BMP6: variants seen among roughly 807,000 people sequenced by gnomAD.
BMP6 encodes VG-1-R.
A neutral mutation model predicts 54.1 loss-of-function variants in BMP6; 17 were observed. That is an observed-to-expected ratio of 0.31 (90% confidence interval 0.22 to 0.47). BMP6 has a LOEUF of 0.47. BMP6 is among the 20% of genes least tolerant of loss of function. The pLI, the probability that BMP6 is intolerant of heterozygous loss-of-function variation, is 1.00. For missense variants in BMP6, 720 were observed against 690.4 expected, an observed-to-expected ratio of 1.04 and a Z score of -0.48; for synonymous variants, 328 against 291.2, an observed-to-expected ratio of 1.13 and a Z score of -1.28.
intron 1 of BMP6, among the ~76,000 whole-genome samples, chr6:7,766,824 G>A (rs1757698535): frequency 6.6e-6 from 1 of 152,074 alleles, no homozygotes; most frequent in Admixed American, 6.5e-5. Context: ...TCCTATTGGT[G>A]AATTTATTGC....
intron 1 of BMP6, among the ~76,000 whole-genome samples, chr6:7,812,727 C>T (rs919529411): frequency 6.6e-6 from 1 of 151,856 alleles, no homozygotes; most frequent in African/African-American, 2.4e-5. Flanking sequence ...ATATGTAGAA[C>T]ACATGAAAAA....
chr6:7,854,418 C>A (rs1030995671), intron 2 of BMP6, among the ~76,000 whole-genome samples: 1 of 152,086 alleles, frequency 6.6e-6, no homozygotes, highest in Non-Finnish European at 1.5e-5. Context: ...TTTACTGTTT[C>A]ATTTCCCCAC....
Position 7,727,310 on chromosome 6 carries a change from C to T in BMP6, c.355C>T (p.Leu119=), listed in dbSNP as rs1459000197. 1.9e-6 allele frequency: 3 copies of T among 1,608,496 alleles called. No homozygotes were observed. Among genetic ancestry groups the T allele is most frequent in the Non-Finnish European group, 2.5e-6 (3 of 1,178,198 alleles). ...GGAGGAGCAGCAGCAGCAGCAGCAG[C>T]TGCCTCGCGGAGAGCCCCCTCCCGG... ...QQEEQQQQQQ[L]PRGEPPPGRL... The change falls in exon 1 of 7, where the codon CTG becomes TTG. Residue 119 remains leucine, a synonymous_variant. Coordinates refer to ENST00000283147, the MANE Select transcript of BMP6 (RefSeq NM_001718.6).
chr6:7,876,809 GT>G (rs996016062), intron 4 of BMP6, among the ~76,000 whole-genome samples: 9 of 151,698 alleles, frequency 5.9e-5, no homozygotes, highest in Non-Finnish European at 1.5e-5. Context: ...CTTTTTTCAT[GT>G]TTTTTCCCCA....
chr6:7,862,644 A>G, intron 4 of BMP6, 146 bp downstream of exon 4: 1 of 1,090,816 alleles, frequency 9.2e-7, no homozygotes, highest in Non-Finnish European at 1.3e-6. Flanking sequence ...GGTACCTTGT[A>G]CAGTCGCAGA....
intron 2 of BMP6, among the ~76,000 whole-genome samples, chr6:7,858,076 C>G (rs186468284): frequency 6.6e-6 from 1 of 152,070 alleles, no homozygotes; most frequent in Non-Finnish European, 1.5e-5. Flanking sequence ...GGGAGGCCCA[C>G]TGGTGATCGA....
intron 1 of BMP6, among the ~76,000 whole-genome samples, chr6:7,739,333 A>G (rs1211818673): frequency 2.0e-5 from 3 of 152,062 alleles, no homozygotes; most frequent in African/African-American, 4.8e-5. Context: ...ACTCCAATTT[A>G]CCCCTGACAT....
intron 1 of BMP6, among the ~76,000 whole-genome samples, chr6:7,795,913 T>A (rs1417171732): frequency 1.3e-5 from 2 of 152,042 alleles, no homozygotes; most frequent in Non-Finnish European, 2.9e-5. Context: ...AAAGTAGATT[T>A]GGGGGAAAAC....
intron 1 of BMP6, among the ~76,000 whole-genome samples, chr6:7,773,613 A>T (rs561709275): frequency 2.0e-5 from 3 of 152,256 alleles, no homozygotes; most frequent in Non-Finnish European, 4.4e-5. Flanking sequence ...ATTTTCTTTC[A>T]GAAAAAGCAT....
intron 1 of BMP6, among the ~76,000 whole-genome samples, chr6:7,800,081 TGTGTGTGTG>T (rs1758247527): frequency 2.9e-5 from 1 of 34,020 alleles, no homozygotes. Context: ...AAGGAAGGGG[TGTGTGTGTG>T]TGTGTGTGTG....
rs1333511155 is a variant in BMP6 at position 7,727,286 on chromosome 6, G to A, written c.331G>A (p.Glu111Lys). The change falls in exon 1 of 7, where the codon GAG (glutamate) becomes AAG (lysine). Residue 111 changes from glutamate to lysine, a missense_variant. Transcript: ENST00000283147. ...QPQPPALRQQEEQQQQQQLPR... is the reference protein window; with the variant it reads ...QPQPPALRQQKEQQQQQQLPR... ...GCAGCCCCCGGCGCTCCGGCAGCAG[G>A]AGGAGCAGCAGCAGCAGCAGCAGCT... is the stretch of plus-strand genomic sequence containing the variant. The A allele has an allele frequency of 1.9e-6, 3 of 1,606,812 alleles. No homozygotes were observed. Among genetic ancestry groups the A allele is most frequent in the Non-Finnish European group, 2.5e-6 (3 of 1,177,410 alleles).
rs1410208849 is a variant in BMP6, at chr6:7,819,914, A to G, written c.665-25226A>G. Among the ~76,000 whole-genome samples, 2 of 152,228 alleles carry G rather than the reference A, an allele frequency of 1.3e-5. 1 individual carries two copies. The highest frequency in any genetic ancestry group is 4.8e-5 in the African/African-American group (2 of 41,460). ...AAAGAGGCATTCCAAATATGTTTCT[A>G]GTCATCTGAGAGTATTTAACAACTT... On this transcript the variant is annotated intron_variant, in intron 1 of 6. Transcript: ENST00000283147.
At chr6:7,852,178 C>A (rs1262155210) in intron 2 of BMP6, among the ~76,000 whole-genome samples, 1 of 152,184 alleles carries the variant, frequency 6.6e-6, no homozygotes, top group African/African-American at 2.4e-5. Context: ...ATGGCCAAAT[C>A]ACCTTTTTCT....
At chr6:7,874,720 C>T (rs1384668474) in intron 4 of BMP6, among the ~76,000 whole-genome samples, 1 of 152,102 alleles carries the variant, frequency 6.6e-6, no homozygotes, top group Admixed American at 6.5e-5. Context: ...TGCACTCCAG[C>T]CTGGGCAATG....
intron 1 of BMP6, among the ~76,000 whole-genome samples, chr6:7,734,660 A>G (rs1023956011): frequency 1.3e-5 from 2 of 152,206 alleles, no homozygotes; most frequent in African/African-American, 2.4e-5. Flanking sequence ...TCTGCTCCGA[A>G]ATTGAGTTGA....
intron 1 of BMP6, among the ~76,000 whole-genome samples, chr6:7,780,663 A>G (rs1396235576): frequency 6.6e-6 from 1 of 152,068 alleles, no homozygotes; most frequent in African/African-American, 2.4e-5. Flanking sequence ...AGGGATCAAT[A>G]TATATTTGTT....
chr6:7,746,686 CCTG>C (rs914070693), intron 1 of BMP6, among the ~76,000 whole-genome samples: 2 of 152,104 alleles, frequency 1.3e-5, no homozygotes, highest in Non-Finnish European at 2.9e-5. Flanking sequence ...ACCCGATCCT[CCTG>C]GAACTCTTTC....
At chr6:7,832,110 T>C (rs1234276181) in intron 1 of BMP6, among the ~76,000 whole-genome samples, 1 of 152,088 alleles carries the variant, frequency 6.6e-6, no homozygotes, top group Non-Finnish European at 1.5e-5. Context: ...TGGGACCTTA[T>C]AGAGGTCTAG....
rs1759711117 is a variant in BMP6, at chr6:7,880,922, G to GTT, written c.*582_*583dup. 6.5e-6 allele frequency: 1 copy of GTT among 154,606 alleles called. No individual in the cohort carries two copies. Among genetic ancestry groups the GTT allele is most frequent in the Non-Finnish European group, 1.4e-5 (1 of 69,476 alleles). 9.6% of individuals were successfully genotyped at this position (154,606 alleles called of 1,614,324 possible). ...ATTGCTGTTGTATGTTCGTGCTGGA[G>GTT]TTTTGTTGGTGTGAAAATACACTTA... On this transcript the variant is annotated 3_prime_UTR_variant, in exon 7 of 7. Transcript: ENST00000283147.
Sources: gnomAD v4.1 joint callset for allele counts (sites outside exome capture counted in the v4.1 genomes callset) on GRCh38, gnomAD v4.1.1 for gene constraint, MANE v1.5 for transcripts, NCBI Gene and HGNC (gene_info 2026-07-23, HGNC 2026-07-21) for gene names.